RGS6: variants seen among roughly 807,000 people sequenced by gnomAD.
The protein encoded by RGS6 is regulator of G protein signaling 6, also known as regulator of G-protein signaling 6.
Under a neutral mutation model 78.5 loss-of-function variants are expected in RGS6, and 30 were observed. That is an observed-to-expected ratio of 0.38 (90% CI 0.29 to 0.52). The LOEUF is 0.52. Ranked by LOEUF, RGS6 falls within the 20% of genes least tolerant of loss-of-function variation. The pLI is 0.85. For missense variants in RGS6, 495 were observed against 609.7 expected (o/e 0.81, Z 1.98); for synonymous variants, 206 against 206.0 (o/e 1.00, Z 0.00).
In RGS6 at chr14:72,536,166, CT is replaced by C. The variant is rs1428311569; in HGVS notation, c.1279-18del. 6.3e-7 allele frequency: 1 copy of C among 1,593,530 alleles called. No homozygotes were observed. The highest frequency in any genetic ancestry group is 1.7e-5 in the Admixed American group (1 of 59,936). On this transcript the variant is annotated intron_variant, in intron 15 of 17. Transcript: ENST00000553525. ...GGTTGACAGCCCTTCCTTGTGTCTC[CT>C]TGTCACCTTCCTCCCCAGGAGCACA...
intron 2 of RGS6, among the ~76,000 whole-genome samples, chr14:72,096,571 A>G (rs1441265697): frequency 6.6e-6 from 1 of 152,044 alleles, no homozygotes; most frequent in African/African-American, 2.4e-5. Context: ...CTCTAGACAT[A>G]GGTTTTGTGG....
At chr14:72,498,812 C>A (rs1472498883) in intron 13 of RGS6, among the ~76,000 whole-genome samples, 1 of 152,190 alleles carries the variant, frequency 6.6e-6, no homozygotes, top group East Asian at 1.9e-4. Context: ...TTTAAGAAGT[C>A]CTGGTTTGGT....
chr14:72,271,397 G>A (rs985957804), intron 2 of RGS6, among the ~76,000 whole-genome samples: 2 of 152,128 alleles, frequency 1.3e-5, no homozygotes, highest in African/African-American at 2.4e-5. Context: ...ACAGTATGGG[G>A]AAAACCACCC....
chr14:72,617,778 C>T, the RGS6 span, among the ~76,000 whole-genome samples: 1 of 152,150 alleles, frequency 6.6e-6, no homozygotes, highest in South Asian at 2.1e-4. Flanking sequence ...CCCGAGTCTC[C>T]GGGAGCGTCC....
chr14:72,200,147 TC>T (rs2041157810), intron 2 of RGS6, among the ~76,000 whole-genome samples: 1 of 152,212 alleles, frequency 6.6e-6, no homozygotes, highest in East Asian at 1.9e-4. Flanking sequence ...TGTGGAAGAT[TC>T]CGTGATTTCT....
the RGS6 span, chr14:72,612,451 A>T: frequency 3.9e-6 from 2 of 516,230 alleles, no homozygotes; most frequent in Admixed American, 3.9e-5. Context: ...TCTAGTACCT[A>T]ATTTAGGCTT....
chr14:72,154,053 C>T (rs917100474), intron 2 of RGS6, among the ~76,000 whole-genome samples: 1 of 152,050 alleles, frequency 6.6e-6, no homozygotes, highest in African/African-American at 2.4e-5. Flanking sequence ...AGACCTCGCC[C>T]CAGGAATGCA....
At position 72,564,480 on chromosome 14, in the gene RGS6, A is replaced by G. The variant is rs1429882433; in HGVS notation, c.*2013A>G. The G allele has an allele frequency of 6.6e-6, 1 of 152,238 alleles. No homozygotes were observed. Among genetic ancestry groups the G allele is most frequent in the Non-Finnish European group, 1.5e-5 (1 of 68,068 alleles). 9.4% of individuals were successfully genotyped at this position (152,238 alleles called of 1,614,324 possible). A position where few individuals can be genotyped will look rare whatever the true frequency, so the allele number is the denominator to read the frequency against. ...TTGTATAAACCTCATGTTTCAGAAC[A>G]AAATTACAGTCTAAGTTCATTTGCC... On this transcript the variant is annotated 3_prime_UTR_variant, in exon 18 of 18. Coordinates refer to ENST00000553525, the MANE Select transcript of RGS6 (RefSeq NM_001204424.2).
the RGS6 span, among the ~76,000 whole-genome samples, chr14:71,901,216 T>A: frequency 1.3e-5 from 2 of 152,332 alleles, no homozygotes; most frequent in South Asian, 4.1e-4. Flanking sequence ...TCTAAACTGA[T>A]GAGTTTCCCA....
chr14:72,544,157 G>A (rs931107310), intron 17 of RGS6, among the ~76,000 whole-genome samples: 1 of 151,014 alleles, frequency 6.6e-6, no homozygotes, highest in African/African-American at 2.4e-5. Context: ...GGAGGGAGAG[G>A]GGGCAAGAGG....
At chr14:72,282,960 C>T (rs1465842840) in intron 2 of RGS6, among the ~76,000 whole-genome samples, 8 of 152,094 alleles carry the variant, frequency 5.3e-5, no homozygotes, top group Admixed American at 2.0e-4. Flanking sequence ...CTGGCAACCA[C>T]GATTCTACTC....
At chr14:72,192,065 A>C (rs1202481362) in intron 2 of RGS6, among the ~76,000 whole-genome samples, 1 of 152,212 alleles carries the variant, frequency 6.6e-6, no homozygotes, top group Non-Finnish European at 1.5e-5. Flanking sequence ...CCTCCAGTTG[A>C]TTATAAGCTC....
At chr14:72,347,588 T>TC in intron 2 of RGS6, among the ~76,000 whole-genome samples, 1 of 152,190 alleles carries the variant, frequency 6.6e-6, no homozygotes, top group Non-Finnish European at 1.5e-5. Context: ...GATATAATAA[T>TC]CTACCTCCTG....
chr14:72,056,778 T>C (rs545888992), intron 2 of RGS6, among the ~76,000 whole-genome samples: 3 of 152,344 alleles, frequency 2.0e-5, no homozygotes, highest in Non-Finnish European at 4.4e-5. Flanking sequence ...TGCAACCATC[T>C]GTAATACAGC....
rs558833070 is a variant in RGS6 at position 72,544,591 on chromosome 14, G to A, written c.1422+4497G>A. The stretch of plus-strand genomic sequence containing the variant: ...TTGCCAAGGTGCTCCTTGGAATTGC[G>A]GCAGGAAGGGCCGGAAGCTGCAGAA... On this transcript the variant is annotated intron_variant, in intron 17 of 17. Transcript: ENST00000553525. 2.3e-4 allele frequency among the ~76,000 whole-genome samples: 35 copies of A among 152,198 alleles called. 1 individual carries two copies. Among genetic ancestry groups the A allele is most frequent in the Admixed American group, 1.2e-3 (19 of 15,288 alleles).
In RGS6 at chr14:72,351,958, A is replaced by G. The variant is rs566852485; in HGVS notation, c.85-137A>G. On this transcript the variant is annotated intron_variant, in intron 2 of 17. Coordinates refer to ENST00000553525, the MANE Select transcript of RGS6 (RefSeq NM_001204424.2). ...GATAGCAGATACTGATGCTGTATTT[A>G]TTGACCAACTAGATGGGAGCTTTTT... 58 of 640,332 alleles carry G rather than the reference A, an allele frequency of 9.1e-5. No homozygotes were observed. The African/African-American group carries it at 9.6e-4, about 11-fold the overall frequency. 39.7% of individuals were successfully genotyped at this position (640,332 alleles called of 1,614,324 possible). A position where few individuals can be genotyped will look rare whatever the true frequency, so the allele number is the denominator to read the frequency against.
rs2097695264 is a variant in RGS6 at position 72,563,388 on chromosome 14, T to G, written c.*921T>G. On this transcript the variant is annotated 3_prime_UTR_variant, in exon 18 of 18. Coordinates refer to ENST00000553525, the MANE Select transcript of RGS6 (RefSeq NM_001204424.2). ...CCCTCTGGCAGCCCCAGGTGGGAGC[T>G]GGGAGGGTCCCCAGCCCAGGAGGTG... 6.5e-6 allele frequency: 1 copy of G among 153,066 alleles called. No homozygotes were observed. The highest frequency in any genetic ancestry group is 1.5e-5 in the Non-Finnish European group (1 of 68,652). The allele number at this position is 153,066 out of a possible 1,614,324, so 9.5% of individuals were successfully genotyped here. A position where few individuals can be genotyped will look rare whatever the true frequency, so the allele number is the denominator to read the frequency against.
At chr14:72,299,250 C>T (rs866801249) in intron 2 of RGS6, among the ~76,000 whole-genome samples, 27 of 152,168 alleles carry the variant, frequency 1.8e-4, no homozygotes, top group African/African-American at 5.1e-4. Flanking sequence ...AACAAGAAAT[C>T]GTGGTGCCAT....
At chr14:72,318,233 G>C (rs1161055512) in intron 2 of RGS6, among the ~76,000 whole-genome samples, 1 of 152,200 alleles carries the variant, frequency 6.6e-6, no homozygotes, top group African/African-American at 2.4e-5. Context: ...AGGGCAGGAA[G>C]CATCCAGCAC....
Sources: gnomAD v4.1 joint callset for allele counts (sites outside exome capture counted in the v4.1 genomes callset) on GRCh38, gnomAD v4.1.1 for gene constraint, MANE v1.5 for transcripts, NCBI Gene and HGNC (gene_info 2026-07-23, HGNC 2026-07-21) for gene names.